The following KCNIP4 variants were observed in gnomAD, a reference collection of about 807,000 sequenced individuals.
The protein encoded by KCNIP4 is potassium voltage-gated channel interacting protein 4, also known as Kv channel-interacting protein 4.
KCNIP4 carries 12 observed loss-of-function variants against 34.0 expected under a neutral mutation model. The observed-to-expected ratio is 0.35, with a 90% CI of 0.23 to 0.57. The LOEUF (loss-of-function observed/expected upper bound fraction) is 0.57, where lower values mean the gene tolerates loss of function less well. KCNIP4 is among the 20% of genes least tolerant of loss of function. The pLI is 0.83. For synonymous variants in KCNIP4, 124 were observed against 102.2 expected (o/e 1.21, Z -1.29); for missense variants, 238 against 311.7 (o/e 0.76, Z 1.78).
chr4:21,070,660 G>T (rs1744810142), intron 1 of KCNIP4, among the ~76,000 whole-genome samples: 1 of 112,092 alleles, frequency 8.9e-6, no homozygotes. Flanking sequence ...GTTGAGTTTT[G>T]AGATTTTTTT....
intron 1 of KCNIP4, among the ~76,000 whole-genome samples, chr4:21,528,441 G>C (rs555681112): frequency 2.6e-5 from 4 of 151,860 alleles, no homozygotes; most frequent in Non-Finnish European, 4.4e-5. Flanking sequence ...GGCCGATGCG[G>C]GTGTATCACG....
intron 1 of KCNIP4, among the ~76,000 whole-genome samples, chr4:21,363,376 A>G (rs1719419881): frequency 6.6e-6 from 1 of 152,142 alleles, no homozygotes; most frequent in African/African-American, 2.4e-5. Context: ...GATACACTCA[A>G]AACCTTTACC....
At chr4:21,362,868 C>T (rs1467089486) in intron 1 of KCNIP4, among the ~76,000 whole-genome samples, 2 of 152,132 alleles carry the variant, frequency 1.3e-5, no homozygotes, top group African/African-American at 4.8e-5. Context: ...CAGAACACAA[C>T]TCAGGGAGCA....
chr4:21,247,489 TA>T (rs953764764), intron 1 of KCNIP4, among the ~76,000 whole-genome samples: 1 of 150,070 alleles, frequency 6.7e-6, no homozygotes, highest in African/African-American at 2.5e-5. Context: ...TCCCTAGAAA[TA>T]AATCCCAATA....
chr4:20,890,359 G>A (rs1413198256), intron 1 of KCNIP4, among the ~76,000 whole-genome samples: 1 of 152,056 alleles, frequency 6.6e-6, no homozygotes, highest in East Asian at 1.9e-4. Flanking sequence ...GAAATAGGAC[G>A]GGGAAAGACA....
intron 3 of KCNIP4, among the ~76,000 whole-genome samples, chr4:20,777,638 A>C (rs1435431413): frequency 1.3e-5 from 2 of 152,114 alleles, no homozygotes; most frequent in Non-Finnish European, 2.9e-5. Context: ...GTAAGAAATA[A>C]ATTTCTGTTG....
intron 3 of KCNIP4, among the ~76,000 whole-genome samples, chr4:20,825,225 G>GTTTTTTTTTTTTTTTTTTTTTT (rs71181592): frequency 1.8e-5 from 2 of 113,636 alleles, no homozygotes; most frequent in Non-Finnish European, 1.7e-5. Context: ...TCAATTTTAC[G>GTTTTTTTTTTTTTTTTTTTTTT]TTTTTTTTTT....
At chr4:21,423,915 C>G (rs910999157) in intron 1 of KCNIP4, among the ~76,000 whole-genome samples, 3 of 151,256 alleles carry the variant, frequency 2.0e-5, no homozygotes, top group Non-Finnish European at 2.9e-5. Context: ...TCAAGCGATT[C>G]TCCTGCCTCA....
At chr4:21,694,477 T>C (rs1712041361) in intron 1 of KCNIP4, among the ~76,000 whole-genome samples, 1 of 152,152 alleles carries the variant, frequency 6.6e-6, no homozygotes, top group Non-Finnish European at 1.5e-5. Context: ...ACATTATATA[T>C]GTTTGTAAAA....
intron 1 of KCNIP4, among the ~76,000 whole-genome samples, chr4:21,358,288 T>C (rs1718864976): frequency 6.6e-6 from 1 of 152,114 alleles, no homozygotes; most frequent in African/African-American, 2.4e-5. Flanking sequence ...CTGCACATTG[T>C]GTACATGTAC....
At chr4:20,938,269 G>C (rs1335322052) in intron 1 of KCNIP4, among the ~76,000 whole-genome samples, 1 of 151,452 alleles carries the variant, frequency 6.6e-6, no homozygotes, top group African/African-American at 2.4e-5. Context: ...AGAAGCCAAG[G>C]CAAAGAGGAG....
intron 1 of KCNIP4, among the ~76,000 whole-genome samples, chr4:20,989,166 A>G (rs911058366): frequency 6.6e-6 from 1 of 152,206 alleles, no homozygotes; most frequent in African/African-American, 2.4e-5. Flanking sequence ...ACGTGTAAAT[A>G]AACTCTATTA....
At chr4:21,547,855 G>T (rs889377050) in intron 1 of KCNIP4, among the ~76,000 whole-genome samples, 2 of 149,638 alleles carry the variant, frequency 1.3e-5, no homozygotes, top group Non-Finnish European at 3.0e-5. Context: ...TACCTTATAC[G>T]TATAGCCTGA....
intron 1 of KCNIP4, among the ~76,000 whole-genome samples, chr4:21,202,903 G>C (rs751665020): frequency 6.6e-6 from 1 of 152,172 alleles, no homozygotes; most frequent in Non-Finnish European, 1.5e-5. Context: ...TATATACAGA[G>C]GCTCTTGGCC....
intron 1 of KCNIP4, among the ~76,000 whole-genome samples, chr4:21,194,696 C>G (rs1755928159): frequency 6.6e-6 from 1 of 152,154 alleles, no homozygotes; most frequent in Non-Finnish European, 1.5e-5. Context: ...GCTTTGCCTT[C>G]CCTTCTCTGC....
At chr4:20,866,557 A>G (rs1029522305) in intron 2 of KCNIP4, among the ~76,000 whole-genome samples, 3 of 152,238 alleles carry the variant, frequency 2.0e-5, no homozygotes, top group Middle Eastern at 3.4e-3. Flanking sequence ...CATCATACTA[A>G]ATGGGCAAAA....
At chr4:21,241,635 G>C (rs112085514) in intron 1 of KCNIP4, among the ~76,000 whole-genome samples, 3 of 152,106 alleles carry the variant, frequency 2.0e-5, no homozygotes, top group African/African-American at 7.2e-5. Context: ...GGGAGGGGAG[G>C]TTAATTCATA....
At chr4:21,920,666 G>A (rs1728889910) in intron 1 of KCNIP4, among the ~76,000 whole-genome samples, 1 of 152,140 alleles carries the variant, frequency 6.6e-6, no homozygotes, top group Admixed American at 6.5e-5. Context: ...ATGTACATAT[G>A]TTATATGCAA....
intron 1 of KCNIP4, among the ~76,000 whole-genome samples, chr4:21,106,540 C>A (rs28763653): frequency 0.46 from 69,524 of 150,708 alleles, 17,133 homozygotes; most frequent in African/African-American, 0.61. Flanking sequence ...GATCCTTTCA[C>A]AAAACCAGCT....
Sources: allele counts gnomAD v4.1 joint callset (sites outside exome capture counted in the v4.1 genomes callset), GRCh38; gene constraint gnomAD v4.1.1; transcripts MANE v1.5; gene names NCBI Gene and HGNC (gene_info 2026-07-23, HGNC 2026-07-21).